Variants in ACO1 observed in about 807,000 individuals in gnomAD.
ACO1 encodes aconitase 1.
In ACO1, 78 loss-of-function variants were observed where a neutral mutation model predicts 105.1. The observed-to-expected ratio is 0.74, with a 90% CI of 0.62 to 0.90. The LOEUF (loss-of-function observed/expected upper bound fraction) is 0.90. Ranked by LOEUF, ACO1 falls within the 40% of genes least tolerant of loss-of-function variation. ACO1 has a pLI of 0.00. For missense variants in ACO1, 965 were observed against 1,111.1 expected, an observed-to-expected ratio of 0.87 and a Z score of 1.87; for synonymous variants, 364 against 397.4, an observed-to-expected ratio of 0.92 and a Z score of 1.00.
intron 4 of ACO1, among the ~76,000 whole-genome samples, chr9:32,410,833 A>T (rs1041358560): frequency 6.6e-5 from 10 of 152,160 alleles, no homozygotes; most frequent in African/African-American, 2.4e-4. Context: ...CACATCTTCT[A>T]GTTGTTTGGG....
rs762467855 is a variant in ACO1, at chr9:32,429,322, C to G, written c.1485-97C>G. 2.6e-6 allele frequency: 3 copies of G among 1,143,698 alleles called. 1 individual carries two copies. Among genetic ancestry groups the G allele is most frequent in the South Asian group, 1.3e-5 (1 of 75,906 alleles). The allele number at this position is 1,143,698 out of a possible 1,614,324, so 70.8% of individuals were successfully genotyped here. A position where few individuals can be genotyped will look rare whatever the true frequency, so the allele number is the denominator to read the frequency against. On this transcript the variant is annotated intron_variant, in intron 12 of 20. Coordinates refer to ENST00000309951, the MANE Select transcript of ACO1 (RefSeq NM_002197.3). Reference sequence around the variant, plus strand: ...GAACTTAGTTCATGCACTGCAATTCCTTTTTGAACAGTGGTCTCTGGAAAC... The same window carrying G: ...GAACTTAGTTCATGCACTGCAATTCGTTTTTGAACAGTGGTCTCTGGAAAC...
chr9:32,398,832 C>T (rs906165799), intron 1 of ACO1, among the ~76,000 whole-genome samples: 1 of 152,112 alleles, frequency 6.6e-6, no homozygotes, highest in African/African-American at 2.4e-5. Flanking sequence ...TGGGCTCAAG[C>T]AGTCCACCCA....
chr9:32,446,330 TTTACCATTATGTAATGGCC>T (rs1169891618), intron 19 of ACO1, among the ~76,000 whole-genome samples: 1 of 152,240 alleles, frequency 6.6e-6, no homozygotes, highest in Non-Finnish European at 1.5e-5. Flanking sequence ...CATTGATCCC[TTTACCATTATGTAATGGCC>T]TTGTCTCTTT....
At position 32,418,482 on chromosome 9, in the gene ACO1, T is replaced by C; in HGVS notation, c.629T>C (p.Met210Thr). The C allele has an allele frequency of 6.2e-7, 1 of 1,613,712 alleles. No individual in the cohort carries two copies. The highest frequency in any genetic ancestry group is 1.1e-5 in the South Asian group (1 of 91,054). Residue 210 changes from methionine (M) to threonine (T), a missense_variant, in exon 6 of 21, where the codon ATG (methionine) becomes ACG (threonine). Transcript: ENST00000309951. ...SLVGTDSHTT[M>T]IDGLGILGWG... ...GTGGGCACAGACTCGCACACTACCA[T>C]GATTGATGGCTTGGGCATTCTTGGT... is the stretch of plus-strand genomic sequence containing the variant.
Position 32,430,561 on chromosome 9 carries a change from G to GT in ACO1, c.1713_1714insT (p.Lys572Ter). The GT allele has an allele frequency of 6.2e-7, 1 of 1,604,322 alleles. No individual in the cohort carries two copies. The highest frequency in any genetic ancestry group is 1.1e-5 in the South Asian group (1 of 88,892). ...CTGGAACCATCAGAATCGACTTTGA[G>GT]AAAGAGCCATTGGGTAAGATTTTGT... On this transcript the variant is annotated frameshift_variant, in exon 14 of 21. Transcript: ENST00000309951. LOFTEE classifies it high-confidence loss of function.
intron 1 of ACO1, among the ~76,000 whole-genome samples, chr9:32,395,188 A>C (rs1434808867): frequency 6.6e-6 from 1 of 152,050 alleles, no homozygotes; most frequent in Non-Finnish European, 1.5e-5. Flanking sequence ...TTAAAACATA[A>C]ATGCAGGCTG....
At chr9:32,440,126 G>C (rs1401366442) in intron 18 of ACO1, among the ~76,000 whole-genome samples, 1 of 152,040 alleles carries the variant, frequency 6.6e-6, no homozygotes, top group East Asian at 1.9e-4. Flanking sequence ...AATTAGCTGG[G>C]TATGGTGGTG....
rs1318421775 is a variant in ACO1, at chr9:32,423,359, T to G, written c.1011T>G (p.Leu337=). The G allele has an allele frequency of 6.3e-7, 1 of 1,596,862 alleles. No individual in the cohort carries two copies. The highest frequency in any genetic ancestry group is 1.8e-5 in the Admixed American group (1 of 55,720). ...AATTAAAGTATATTAAAAAATATCT[T>G]CAGGCTGTAGGAATGTTTCGAGATT... ...EEKLKYIKKY[L]QAVGMFRDFN... is the part of the protein sequence containing the mutation. The change falls in exon 9 of 21, where the codon CTT becomes CTG. Residue 337 remains leucine, a synonymous_variant. Transcript: ENST00000309951.
chr9:32,429,739 G>C (rs897454336), intron 13 of ACO1, among the ~76,000 whole-genome samples: 1 of 152,188 alleles, frequency 6.6e-6, no homozygotes, highest in African/African-American at 2.4e-5. Flanking sequence ...ATTTTATAGA[G>C]TTGTGAGAAT....
intron 1 of ACO1, among the ~76,000 whole-genome samples, chr9:32,405,151 T>C (rs1821581496): frequency 1.3e-5 from 2 of 152,046 alleles, no homozygotes; most frequent in Admixed American, 6.5e-5. Context: ...ACAGCCTGGC[T>C]GTCTCCTCTT....
At chr9:32,388,169 T>G (rs1020794830) in intron 1 of ACO1, among the ~76,000 whole-genome samples, 3 of 152,216 alleles carry the variant, frequency 2.0e-5, no homozygotes, top group Admixed American at 2.0e-4. Flanking sequence ...GAATTTTGCA[T>G]ATTATTATGC....
rs116391624 is a variant in ACO1, at chr9:32,443,445, T to C, written c.2370+2858T>C. Among the ~76,000 whole-genome samples, 493 of 152,306 alleles carry C rather than the reference T, an allele frequency of 3.2e-3. 1 individual carries two copies. Among genetic ancestry groups the C allele is most frequent in the African/African-American group, 0.011 (451 of 41,554 alleles). On this transcript the variant is annotated intron_variant, in intron 19 of 20. Transcript: ENST00000309951. Reference sequence around the variant, plus strand: ...CAAAACCAAGTGACTTTTCAAGATATAACAGAGGTAAAAGGTTACTGTCAT... The same window carrying C: ...CAAAACCAAGTGACTTTTCAAGATACAACAGAGGTAAAAGGTTACTGTCAT...
chr9:32,424,237 C>T (rs145773511), intron 9 of ACO1, among the ~76,000 whole-genome samples: 28 of 152,288 alleles, frequency 1.8e-4, no homozygotes, highest in East Asian at 9.6e-4. Context: ...ATATAAAACG[C>T]GATGAGCTGC....
At chr9:32,449,114 C>A in intron 20 of ACO1, 33 bp downstream of exon 20, 1 of 1,549,974 alleles carries the variant, frequency 6.5e-7, no homozygotes, top group South Asian at 1.2e-5. Flanking sequence ...CAGGCCCTGT[C>A]GAAAGGGGCC....
In ACO1 at chr9:32,407,279, T is replaced by C; in HGVS notation, c.116T>C (p.Ile39Thr). 6.2e-7 allele frequency: 1 copy of C among 1,614,170 alleles called. No homozygotes were observed. The highest frequency in any genetic ancestry group is 8.5e-7 in the Non-Finnish European group (1 of 1,180,018). The change falls in exon 3 of 21, where the codon ATC (isoleucine) becomes ACC (threonine). Residue 39 changes from isoleucine (I) to threonine (T), a missense_variant. Transcript: ENST00000309951. ...CTCTTAGGGCGCTTACCATTTTCGA[T>C]CAGAGTTCTTCTGGAAGCAGCCATT... ...DSRYGRLPFS[I>T]RVLLEAAIRN...
chr9:32,412,334 C>T (rs1175589492), intron 4 of ACO1, among the ~76,000 whole-genome samples: 2 of 152,130 alleles, frequency 1.3e-5, no homozygotes, highest in Admixed American at 1.3e-4. Context: ...GAAAGGGTGC[C>T]AAGTTGCTAA....
rs1226629902 is a variant in ACO1 at position 32,418,441 on chromosome 9, T to C, written c.588T>C (p.Tyr196=). 1 of 1,614,232 alleles carries C rather than the reference T, an allele frequency of 6.2e-7. No homozygotes were observed. The highest frequency in any genetic ancestry group is 1.7e-5 in the Admixed American group (1 of 60,028). ...TGGTATTTGATCAGGATGGATATTATTACCCAGACAGCCTCGTGGGCACAG... is the reference window on the plus strand; with the variant it reads ...TGGTATTTGATCAGGATGGATATTACTACCCAGACAGCCTCGTGGGCACAG... ...ARVVFDQDGY[Y]YPDSLVGTDS... The change falls in exon 6 of 21, where the codon TAT becomes TAC. Residue 196 remains tyrosine, a synonymous_variant. Coordinates refer to ENST00000309951, the MANE Select transcript of ACO1 (RefSeq NM_002197.3).
intron 14 of ACO1, 151 bp downstream of exon 14, chr9:32,430,725 T>C: frequency 1.1e-6 from 1 of 878,454 alleles, no homozygotes; most frequent in Non-Finnish European, 1.6e-6. Flanking sequence ...AATATACAGC[T>C]AAGACTTAAC....
intron 14 of ACO1, among the ~76,000 whole-genome samples, chr9:32,431,101 G>A (rs780484417): frequency 1.3e-5 from 2 of 152,174 alleles, no homozygotes; most frequent in Non-Finnish European, 2.9e-5. Context: ...TTCTATGTTT[G>A]CAGATTTGCG....
Sources: gnomAD v4.1 joint callset for allele counts (sites outside exome capture counted in the v4.1 genomes callset) on GRCh38, gnomAD v4.1.1 for gene constraint, MANE v1.5 for transcripts, NCBI Gene and HGNC (gene_info 2026-07-23, HGNC 2026-07-21) for gene names.